Variants in VPS4A observed in about 807,000 individuals in gnomAD.
VPS4A encodes vacuolar protein sorting-associated protein 4A.
Under a neutral mutation model 52.3 loss-of-function variants are expected in VPS4A, and 20 were observed. The observed-to-expected ratio is 0.38, with a 90% CI of 0.27 to 0.56. The LOEUF (loss-of-function observed/expected upper bound fraction) is 0.56. Ranked by LOEUF, VPS4A falls within the 20% of genes least tolerant of loss-of-function variation. The probability of loss-of-function intolerance (pLI) is 0.72; values close to 1 mark genes in which losing one functional copy is unlikely to be tolerated. For missense variants in VPS4A, 419 were observed against 575.9 expected, an observed-to-expected ratio of 0.73 and a Z score of 2.79; for synonymous variants, 293 against 227.7, an observed-to-expected ratio of 1.29 and a Z score of -2.58.
At chr16:69,311,602 G>A in intron 1 of VPS4A, 70 bp downstream of exon 1, 1 of 1,228,190 alleles carries the variant, frequency 8.1e-7, no homozygotes, top group Non-Finnish European at 1.0e-6. Flanking sequence ...AGAGCCGGGC[G>A]GCGGGCGGGT....
chr16:69,318,713 T>TCGC lies in VPS4A; in HGVS notation c.343+2_343+3insCGC. 1 of 1,613,640 alleles carries TCGC rather than the reference T, an allele frequency of 6.2e-7. No homozygotes were observed. Among genetic ancestry groups the TCGC allele is most frequent in the Non-Finnish European group, 8.5e-7 (1 of 1,179,764 alleles). Reference sequence around the variant, plus strand: ...AGAAACTGCAAGAACAGCTGATGGGTAAGTGGCTCGCGGCCCTGTGGCAGC... The same window carrying TCGC: ...AGAAACTGCAAGAACAGCTGATGGGTCGCAAGTGGCTCGCGGCCCTGTGGCAGC... On this transcript the variant is annotated splice_region_variant and intron_variant, in intron 4 of 10. Coordinates refer to ENST00000254950, the MANE Select transcript of VPS4A (RefSeq NM_013245.3).
In VPS4A at chr16:69,326,436, C is replaced by A. The variant is rs542879838; in HGVS notation, c.*2127C>A. 1 of 152,238 alleles carries A rather than the reference C, an allele frequency of 6.6e-6. No homozygotes were observed. The highest frequency in any genetic ancestry group is 6.5e-5 in the Admixed American group (1 of 15,282). The allele number at this position is 152,238 out of a possible 1,614,324, so 9.4% of individuals were successfully genotyped here. A position where few individuals can be genotyped will look rare whatever the true frequency, so the allele number is the denominator to read the frequency against. On this transcript the variant is annotated 3_prime_UTR_variant, in exon 11 of 11. Transcript: ENST00000254950. ...GCAGAGCTTCACTTTAGTGAGCTTA[C>A]AAGTTTTTAAATTTTTACTTCTAGT... is the stretch of plus-strand genomic sequence containing the variant.
intron 3 of VPS4A, among the ~76,000 whole-genome samples, chr16:69,317,589 T>C (rs1053786751): frequency 4.6e-5 from 7 of 151,988 alleles, no homozygotes; most frequent in East Asian, 1.9e-4. Flanking sequence ...GTCAGGAGAT[T>C]GAGACCATCC....
Position 69,324,692 on chromosome 16 carries a change from C to A in VPS4A, c.*383C>A, listed in dbSNP as rs148649560. 1.4e-5 allele frequency: 3 copies of A among 215,794 alleles called. No individual in the cohort carries two copies. The highest frequency in any genetic ancestry group is 4.5e-5 in the African/African-American group (2 of 44,512). 13.4% of individuals were successfully genotyped at this position (215,794 alleles called of 1,614,324 possible). On this transcript the variant is annotated 3_prime_UTR_variant, in exon 11 of 11. Coordinates refer to ENST00000254950, the MANE Select transcript of VPS4A (RefSeq NM_013245.3). ...GGCGGGGTGGCGGGGGAGAAGCAGC[C>A]GTGCTGCCAGGTCACCCAGACCTCC...
intron 6 of VPS4A, 47 bp downstream of exon 6, chr16:69,319,590 T>TGGC: frequency 1.9e-6 from 3 of 1,580,206 alleles, no homozygotes; most frequent in Non-Finnish European, 2.6e-6. Flanking sequence ...CCGGCACTGC[T>TGGC]AGTGACCCAG....
intron 1 of VPS4A, among the ~76,000 whole-genome samples, chr16:69,313,985 C>CT (rs71383985): frequency 0.023 from 2,729 of 118,600 alleles, 165 homozygotes; most frequent in African/African-American, 0.066. Context: ...CCAGTGCACT[C>CT]TTTTTTTTTT....
intron 3 of VPS4A, among the ~76,000 whole-genome samples, chr16:69,316,888 G>A (rs762834001): frequency 2.0e-5 from 3 of 152,218 alleles, no homozygotes; most frequent in East Asian, 3.9e-4. Flanking sequence ...ATGGAACTTG[G>A]ACCCCCAAAG....
In VPS4A at chr16:69,325,241, G is replaced by C. The variant is rs1965573514; in HGVS notation, c.*932G>C. 6.6e-6 allele frequency: 1 copy of C among 152,332 alleles called. No homozygotes were observed. 9.4% of individuals were successfully genotyped at this position (152,332 alleles called of 1,614,324 possible). A position where few individuals can be genotyped will look rare whatever the true frequency, so the allele number is the denominator to read the frequency against. Reference sequence around the variant, plus strand: ...CCCTTAAGGCCTCAGAAGTTTGGCTGGGGATGTTTGTGGGATCCAGACAGT... The same window carrying C: ...CCCTTAAGGCCTCAGAAGTTTGGCTCGGGATGTTTGTGGGATCCAGACAGT... On this transcript the variant is annotated 3_prime_UTR_variant, in exon 11 of 11. Coordinates refer to ENST00000254950, the MANE Select transcript of VPS4A (RefSeq NM_013245.3).
chr16:69,323,481 A>C lies in VPS4A; in HGVS notation c.1213-727A>C, dbSNP rs1249322125. On this transcript the variant is annotated intron_variant, in intron 10 of 10. Coordinates refer to ENST00000254950, the MANE Select transcript of VPS4A (RefSeq NM_013245.3). ...GCATTTTATATTCTTTAGCAAGTAA[A>C]GTCAGGTCCAGATAATATGACGTCA... is the stretch of plus-strand genomic sequence containing the variant. The C allele has an allele frequency of 8.7e-6, 3 of 345,110 alleles. No individual in the cohort carries two copies. In the Admixed American group the frequency reaches 1.2e-4, roughly 14 times the overall value. 21.4% of individuals were successfully genotyped at this position (345,110 alleles called of 1,614,324 possible).
chr16:69,318,544 C>T (rs1239071634), intron 3 of VPS4A, 106 bp from the exon 4 acceptor site: 19 of 1,272,048 alleles, frequency 1.5e-5, no homozygotes, highest in Admixed American at 2.1e-5. Flanking sequence ...GCCAGGAAGG[C>T]TTCGTTCCTT....
chr16:69,319,040 C>CG, intron 5 of VPS4A, 98 bp downstream of exon 5: 3 of 1,527,842 alleles, frequency 2.0e-6, no homozygotes, highest in Non-Finnish European at 2.6e-6. Context: ...ACTCAGCCCC[C>CG]GGGGCCTGCA....
chr16:69,318,755 G>C, intron 4 of VPS4A, 44 bp downstream of exon 4: 1 of 1,613,240 alleles, frequency 6.2e-7, no homozygotes, highest in South Asian at 1.1e-5. Context: ...GGATGAGAGT[G>C]GGTCCGCTGC....
In VPS4A at chr16:69,319,572, C is replaced by T. The variant is rs969666582; in HGVS notation, c.620+29C>T. ...AGTCGGCCACCAGGCCATGCTCTGC[C>T]AGCAGCCCCGGCACTGCTAGTGACC... On this transcript the variant is annotated intron_variant, in intron 6 of 10. Coordinates refer to ENST00000254950, the MANE Select transcript of VPS4A (RefSeq NM_013245.3). The T allele has an allele frequency of 3.1e-6, 5 of 1,597,306 alleles. No homozygotes were observed. In the East Asian group the frequency reaches 9.1e-5, roughly 29 times the overall value.
At chr16:69,324,124 C>G in intron 10 of VPS4A, 84 bp from the exon 11 acceptor site, 1 of 1,413,280 alleles carries the variant, frequency 7.1e-7, no homozygotes, top group South Asian at 1.2e-5. Context: ...TCTTCCCACC[C>G]TCAGCTGCGC....
rs752146795 is a variant in VPS4A at position 69,320,645 on chromosome 16, G to A, written c.770-43G>A. The A allele has an allele frequency of 9.1e-6, 14 of 1,537,860 alleles. No homozygotes were observed. The highest frequency in any genetic ancestry group is 1.9e-5 in the Admixed American group (1 of 51,930). On this transcript the variant is annotated intron_variant, in intron 7 of 10. Transcript: ENST00000254950. The surrounding 1 kb of genome is among the most constrained non-coding windows in gnomAD (Gnocchi z 4.2). Reference sequence around the variant, plus strand: ...TGTCCCCAGGTTTCAACTGACCCGTGCAGGTGTCCAGAGTCTGAGTCTTTG... The same window carrying A: ...TGTCCCCAGGTTTCAACTGACCCGTACAGGTGTCCAGAGTCTGAGTCTTTG...
rs116271753 is a variant in VPS4A at position 69,320,828 on chromosome 16, C to G, written c.851+59C>G. On this transcript the variant is annotated intron_variant, in intron 8 of 10. Coordinates refer to ENST00000254950, the MANE Select transcript of VPS4A (RefSeq NM_013245.3). This position sits in a 1 kb window ranked among gnomAD's most constrained non-coding sequence, Gnocchi z 4.2. ...GCTTCCTCCCACCATGGTCACGGTCCGCCTGCTGCTGGCAGCCCGGGTGCA... is the reference window on the plus strand; with the variant it reads ...GCTTCCTCCCACCATGGTCACGGTCGGCCTGCTGCTGGCAGCCCGGGTGCA... 3 of 1,521,138 alleles carry G rather than the reference C, an allele frequency of 2.0e-6. No homozygotes were observed. Among genetic ancestry groups the G allele is most frequent in the African/African-American group, 2.8e-5 (2 of 72,652 alleles). The allele number at this position is 1,521,138 out of a possible 1,614,324, so 94.2% of individuals were successfully genotyped here.
rs1965558094 is a variant in VPS4A, at chr16:69,324,483, GAC to G, written c.*177_*178del. On this transcript the variant is annotated 3_prime_UTR_variant, in exon 11 of 11. Transcript: ENST00000254950. ...GAAGGAAGGGCCTTGCAGCCACAGA[GAC>G]ACTCCACTGCCCTGGGGCACACAGT... 1.5e-6 allele frequency: 1 copy of G among 664,880 alleles called. No homozygotes were observed. Among genetic ancestry groups the G allele is most frequent in the South Asian group, 1.8e-5 (1 of 56,802 alleles). The allele number at this position is 664,880 out of a possible 1,614,324, so 41.2% of individuals were successfully genotyped here. A position where few individuals can be genotyped will look rare whatever the true frequency, so the allele number is the denominator to read the frequency against.
chr16:69,321,072 C>A lies in VPS4A; in HGVS notation c.873C>A (p.Ile291=), dbSNP rs867183070. The change falls in exon 9 of 11, where the codon ATC becomes ATA. Residue 291 remains isoleucine, a synonymous_variant. Coordinates refer to ENST00000254950, the MANE Select transcript of VPS4A (RefSeq NM_013245.3). The surrounding 1 kb of genome is among the most constrained non-coding windows in gnomAD (Gnocchi z 4.5). ...IRRRFEKRIY[I]PLPEEAARAQ... ...CTAGGTTTGAAAAACGAATTTATAT[C>A]CCCTTGCCGGAGGAAGCTGCCCGCG... 6.3e-7 allele frequency: 1 copy of A among 1,590,732 alleles called. No individual in the cohort carries two copies. Among genetic ancestry groups the A allele is most frequent in the Middle Eastern group, 1.7e-4 (1 of 6,036 alleles).
intron 10 of VPS4A, among the ~76,000 whole-genome samples, chr16:69,323,877 G>T (rs914254168): frequency 6.6e-6 from 1 of 150,976 alleles, no homozygotes; most frequent in African/African-American, 2.4e-5. Flanking sequence ...TTGAACCGAG[G>T]AGGTGGAGGT....
Sources: gnomAD v4.1 joint callset for allele counts (sites outside exome capture counted in the v4.1 genomes callset) on GRCh38, gnomAD v4.1.1 for gene constraint, Gnocchi (gnomAD v3.1) non-coding constraint, MANE v1.5 for transcripts, NCBI Gene and HGNC (gene_info 2026-07-23, HGNC 2026-07-21) for gene names.